Variants in ACAT1 observed in about 807,000 individuals in gnomAD.
ACAT1 encodes the protein acetyl-CoA acetyltransferase, mitochondrial.
A neutral mutation model predicts 47.3 loss-of-function variants in ACAT1; 28 were observed. That is an observed-to-expected ratio of 0.59 (90% CI 0.44 to 0.81). The LOEUF (loss-of-function observed/expected upper bound fraction) is 0.81. Among genes scored for constraint, ACAT1 ranks in the 30% least tolerant of loss-of-function variants. The pLI, the probability that ACAT1 is intolerant of heterozygous loss-of-function variation, is 0.00. For synonymous variants in ACAT1, 181 were observed against 173.6 expected (o/e 1.04, Z -0.34); for missense variants, 469 against 524.3 (o/e 0.89, Z 1.03).
At chr11:108,118,313 T>C (rs116972681), upstream of ACAT1, among the ~76,000 whole-genome samples, 425 of 152,210 alleles carry the variant, frequency 2.8e-3, 5 homozygotes, top group East Asian at 0.029. Context: ...TCTCTCTTAA[T>C]TGTATTTAAT....
At position 108,138,848 on chromosome 11, in the gene ACAT1, T is replaced by C. The variant is rs755279403; in HGVS notation, c.436-50T>C. 2.5e-6 allele frequency: 4 copies of C among 1,612,782 alleles called. No individual in the cohort carries two copies. The Admixed American group carries it at 5.0e-5, about 20-fold the overall frequency. ...GTAGCTGTATAAAGGGTGTCATGGG[T>C]TTGCAAAATATTTGTATTAACATTG... On this transcript the variant is annotated intron_variant, in intron 5 of 11. Coordinates refer to ENST00000265838, the MANE Select transcript of ACAT1 (RefSeq NM_000019.4).
chr11:108,142,358 C>T lies in ACAT1; in HGVS notation c.827-79C>T. On this transcript the variant is annotated intron_variant, in intron 8 of 11. Transcript: ENST00000265838. Reference sequence around the variant, plus strand: ...TTCTTTAAACATTTAGCAGCCCAGGCAATAGGTATTTGTTGAATTGAACCA... The same window carrying T: ...TTCTTTAAACATTTAGCAGCCCAGGTAATAGGTATTTGTTGAATTGAACCA... 4 of 1,064,028 alleles carry T rather than the reference C, an allele frequency of 3.8e-6. No individual in the cohort carries two copies. The Admixed American group carries it at 7.8e-5, about 21-fold the overall frequency. The allele number at this position is 1,064,028 out of a possible 1,614,324, so 65.9% of individuals were successfully genotyped here.
chr11:108,140,078 A>G lies in ACAT1; in HGVS notation c.593A>G (p.Glu198Gly). 6.2e-7 allele frequency: 1 copy of G among 1,614,074 alleles called. No individual in the cohort carries two copies. The highest frequency in any genetic ancestry group is 8.5e-7 in the Non-Finnish European group (1 of 1,179,926). ...ACTTTTTATCAGGGCAGCTGTGCTG[A>G]GAATACAGCAAAGAAGCTGAATATT... is the stretch of plus-strand genomic sequence containing the variant. ...YNKIHMGSCA[E>G]NTAKKLNIAR... The change falls in exon 7 of 12, where the codon GAG becomes GGG. Residue 198 changes from glutamate to glycine, a missense_variant. Coordinates refer to ENST00000265838, the MANE Select transcript of ACAT1 (RefSeq NM_000019.4).
At chr11:108,136,482 G>A (rs142685290) in intron 5 of ACAT1, 182 of 179,404 alleles carry the variant, frequency 1.0e-3, no homozygotes, top group Admixed American at 1.5e-3. Flanking sequence ...GGTGAAAAAC[G>A]GTCACCAGAT....
chr11:108,128,480 A>G (rs1332956045), intron 1 of ACAT1, among the ~76,000 whole-genome samples: 1 of 152,166 alleles, frequency 6.6e-6, no homozygotes, highest in Non-Finnish European at 1.5e-5. Flanking sequence ...AGTCCCAGGT[A>G]CTCGGGAGGC....
chr11:108,141,522 G>C, intron 7 of ACAT1, 83 bp from the exon 8 acceptor site: 1 of 978,454 alleles, frequency 1.0e-6, no homozygotes, highest in Middle Eastern at 2.1e-4. Context: ...GGGAGGCACA[G>C]ACTACTAGGC....
chr11:108,135,213 G>A lies in ACAT1; in HGVS notation c.406G>A (p.Ala136Thr). 1 of 1,613,142 alleles carries A rather than the reference G, an allele frequency of 6.2e-7. No individual in the cohort carries two copies. Among genetic ancestry groups the A allele is most frequent in the African/African-American group, 1.3e-5 (1 of 74,990 alleles). The part of the protein sequence containing the change: ...CASGMKAIMM[A>T]SQSLMCGHQD... ...TTCAGGAATGAAAGCCATCATGATG[G>A]CCTCTCAAAGTCTTATGTGTGGACA... is the stretch of plus-strand genomic sequence containing the variant. The change falls in exon 5 of 12, where the codon GCC becomes ACC. Residue 136 changes from alanine (A) to threonine (T), a missense_variant. Ala to Thr is a moderately conservative substitution (Grantham distance 58, BLOSUM62 0). Coordinates refer to ENST00000265838, the MANE Select transcript of ACAT1 (RefSeq NM_000019.4).
intron 1 of ACAT1, among the ~76,000 whole-genome samples, chr11:108,123,082 A>ACAC (rs553625366): frequency 5.7e-5 from 8 of 139,766 alleles, no homozygotes; most frequent in South Asian, 2.2e-4. Context: ...CACACACACA[A>ACAC]AAATTAGCTG....
intron 1 of ACAT1, 196 bp downstream of exon 1, chr11:108,121,874 A>G (rs1397775564): frequency 1.6e-6 from 1 of 612,280 alleles, no homozygotes; most frequent in Non-Finnish European, 2.9e-6. Context: ...CTATTTTTAC[A>G]GCGCGTTTCT....
chr11:108,138,177 TG>T (rs2077504499), intron 5 of ACAT1, among the ~76,000 whole-genome samples: 1 of 150,478 alleles, frequency 6.6e-6, no homozygotes, highest in Non-Finnish European at 1.5e-5. Flanking sequence ...TTAGTAGAGA[TG>T]GGGTTTCACT....
chr11:108,139,816 ATGCCCGG>A (rs2077551100), intron 6 of ACAT1, among the ~76,000 whole-genome samples: 2 of 105,734 alleles, frequency 1.9e-5, no homozygotes, highest in Non-Finnish European at 4.3e-5. Flanking sequence ...ACGTGCCCCC[ATGCCCGG>A]CTAATTTTTA....
chr11:108,121,762 G>C, intron 1 of ACAT1, 84 bp downstream of exon 1: 3 of 1,471,206 alleles, frequency 2.0e-6, no homozygotes, highest in Non-Finnish European at 1.8e-6. Flanking sequence ...CGGCCGTTGC[G>C]GCTCCCGCGG....
chr11:108,122,876 C>G (rs2077177347), intron 1 of ACAT1, among the ~76,000 whole-genome samples: 1 of 151,418 alleles, frequency 6.6e-6, no homozygotes, highest in East Asian at 1.9e-4. Flanking sequence ...ACTAGGTACT[C>G]TAGAGATGTA....
intron 6 of ACAT1, among the ~76,000 whole-genome samples, chr11:108,139,650 G>GTA (rs887452955): frequency 8.6e-5 from 13 of 151,846 alleles, no homozygotes; most frequent in African/African-American, 2.2e-4. Flanking sequence ...ATGTGTGTGT[G>GTA]TATATATATA....
chr11:108,117,260 C>T (rs1245914913), upstream of ACAT1, among the ~76,000 whole-genome samples: 3 of 151,202 alleles, frequency 2.0e-5, no homozygotes, highest in South Asian at 2.1e-4. Context: ...GAGTTATGAT[C>T]GCACCACTGC....
intron 7 of ACAT1, among the ~76,000 whole-genome samples, chr11:108,141,316 G>C: frequency 7.3e-6 from 1 of 137,484 alleles, no homozygotes; most frequent in East Asian, 2.3e-4. Context: ...GCCTGGAGAG[G>C]ATGAGGTAAA....
intron 1 of ACAT1, among the ~76,000 whole-genome samples, chr11:108,125,391 C>T (rs373694309): frequency 9.2e-5 from 14 of 152,132 alleles, no homozygotes; most frequent in African/African-American, 3.1e-4. Flanking sequence ...ATTGAAGGAG[C>T]GCTAGGCACT....
chr11:108,145,971 T>C, intron 10 of ACAT1: 1 of 408,394 alleles, frequency 2.4e-6, no homozygotes, highest in Non-Finnish European at 4.6e-6. Flanking sequence ...TGCTTGAACC[T>C]GGGAGGCAGA....
intron 1 of ACAT1, among the ~76,000 whole-genome samples, chr11:108,126,791 C>CT (rs766192283): frequency 0.022 from 2,473 of 114,548 alleles, 40 homozygotes; most frequent in East Asian, 0.033. Flanking sequence ...AACAGGTTTT[C>CT]TTTTTTTTTT....
Sources: allele counts gnomAD v4.1 joint callset (sites outside exome capture counted in the v4.1 genomes callset), GRCh38; gene constraint gnomAD v4.1.1; transcripts MANE v1.5; gene names NCBI Gene and HGNC (gene_info 2026-07-23, HGNC 2026-07-21).